ADGRL3: variants seen among roughly 807,000 people sequenced by gnomAD.
ADGRL3 encodes the protein calcium-independent alpha-latrotoxin receptor 3.
ADGRL3 carries 62 observed loss-of-function variants against 153.5 expected under a neutral mutation model. That is an observed-to-expected ratio of 0.40 (90% CI 0.33 to 0.50). ADGRL3 has a LOEUF of 0.50. ADGRL3 is among the 20% of genes least tolerant of loss of function. The pLI, the probability that ADGRL3 is intolerant of heterozygous loss-of-function variation, is 0.47. For synonymous variants in ADGRL3, 710 were observed against 672.5 expected (o/e 1.06, Z -0.86); for missense variants, 1,641 against 1,859.4 (o/e 0.88, Z 2.16).
chr4:61,421,002 G>T (rs2097199751), intron 2 of ADGRL3, among the ~76,000 whole-genome samples: 1 of 151,968 alleles, frequency 6.6e-6, no homozygotes, highest in South Asian at 2.1e-4. Flanking sequence ...ATACTTGTCT[G>T]TATTTTCTAT....
chr4:61,228,013 T>C (rs2149127090), intron 1 of ADGRL3, among the ~76,000 whole-genome samples: 1 of 152,262 alleles, frequency 6.6e-6, no homozygotes, highest in East Asian at 1.9e-4. Context: ...TACATAACTG[T>C]AGTCCACTTA....
At chr4:61,395,925 C>A (rs1367852122) in intron 2 of ADGRL3, among the ~76,000 whole-genome samples, 1 of 151,826 alleles carries the variant, frequency 6.6e-6, no homozygotes, top group African/African-American at 2.4e-5. Flanking sequence ...CTGTTGAGAG[C>A]GCATTGTGCT....
At position 61,200,758 on chromosome 4, in the gene ADGRL3, G is replaced by T. The variant is rs1483867766; in HGVS notation, c.-1247G>T. Among the ~76,000 whole-genome samples the T allele has an allele frequency of 6.6e-6, 1 of 152,114 alleles. No homozygotes were observed. The highest frequency in any genetic ancestry group is 1.5e-5 in the Non-Finnish European group (1 of 68,010). On this transcript the variant is annotated 5_prime_UTR_variant, in exon 1 of 27. Transcript: ENST00000683033. ...GAGCGCCAGTGCCTCGCTCGCTCTT[G>T]GGGAGTCGAAGAAGAGAAAGAACCG... is the stretch of plus-strand genomic sequence containing the variant.
intron 1 of ADGRL3, among the ~76,000 whole-genome samples, chr4:61,343,207 A>G (rs779704528): frequency 1.4e-4 from 22 of 152,292 alleles, no homozygotes; most frequent in Middle Eastern, 6.8e-3. Context: ...AAACCATATT[A>G]ATCCTAAATC....
intron 3 of ADGRL3, among the ~76,000 whole-genome samples, chr4:61,508,758 G>A (rs904139764): frequency 6.6e-6 from 1 of 151,932 alleles, no homozygotes; most frequent in Non-Finnish European, 1.5e-5. Flanking sequence ...AGTGTTTATC[G>A]TTCTCATCTT....
chr4:61,855,858 A>G (rs1426167288), intron 9 of ADGRL3, among the ~76,000 whole-genome samples: 2 of 152,080 alleles, frequency 1.3e-5, no homozygotes, highest in Admixed American at 1.3e-4. Flanking sequence ...AGGATGTTAC[A>G]GTAGAAGGCA....
At chr4:61,807,103 A>G (rs1712356248) in intron 8 of ADGRL3, among the ~76,000 whole-genome samples, 1 of 152,216 alleles carries the variant, frequency 6.6e-6, no homozygotes, top group African/African-American at 2.4e-5. Flanking sequence ...ATTGAAATCA[A>G]TAATTTTATA....
chr4:62,057,381 C>G (rs1387729912), intron 25 of ADGRL3, among the ~76,000 whole-genome samples: 1 of 152,054 alleles, frequency 6.6e-6, no homozygotes, highest in African/African-American at 2.4e-5. Flanking sequence ...GGGTGTGACT[C>G]ATTATTTCAT....
At chr4:61,366,606 C>T (rs571569563) in intron 1 of ADGRL3, among the ~76,000 whole-genome samples, 12 of 152,160 alleles carry the variant, frequency 7.9e-5, no homozygotes, top group Non-Finnish European at 1.5e-4. Context: ...TTGCATTTGA[C>T]TGTCTTTGAC....
rs763505931 is a variant in ADGRL3, at chr4:61,520,682, G to GTGTGTC, written c.259+3167_259+3168insGTCTGT. Reference sequence around the variant, plus strand: ...TGTGTGTGTGTGTGTGTGTGTGTGTGTGTCTGTCTGTCTGTCTGTCTGAGG... The same window carrying GTGTGTC: ...TGTGTGTGTGTGTGTGTGTGTGTGTGTGTGTCTGTCTGTCTGTCTGTCTGTCTGAGG... On this transcript the variant is annotated intron_variant, in intron 4 of 26. Coordinates refer to ENST00000683033, the MANE Select transcript of ADGRL3 (RefSeq NM_001387552.1). 8.5e-3 allele frequency among the ~76,000 whole-genome samples: 1,053 copies of GTGTGTC among 123,562 alleles called. 11 individuals are homozygous for GTGTGTC. Among genetic ancestry groups the GTGTGTC allele is most frequent in the Non-Finnish European group, 0.013 (734 of 56,692 alleles). The allele number at this position is 123,562 out of a possible 152,430, so 81.1% of individuals were successfully genotyped here.
chr4:62,000,719 G>T (rs2099137317), intron 21 of ADGRL3, among the ~76,000 whole-genome samples: 1 of 151,924 alleles, frequency 6.6e-6, no homozygotes. Context: ...AAATGAAGAA[G>T]ATAAATTGGG....
intron 2 of ADGRL3, among the ~76,000 whole-genome samples, chr4:61,444,813 G>A (rs1480336582): frequency 1.3e-5 from 2 of 152,148 alleles, no homozygotes; most frequent in Non-Finnish European, 2.9e-5. Context: ...AGCACTTTGG[G>A]AGGCAGAGGT....
chr4:61,874,706 G>C (rs2098463627), intron 9 of ADGRL3, among the ~76,000 whole-genome samples: 1 of 150,252 alleles, frequency 6.7e-6, no homozygotes, highest in African/African-American at 2.4e-5. Flanking sequence ...ACTAAGAGAA[G>C]GGGAGACCAC....
rs181550703 is a variant in ADGRL3, at chr4:61,434,198, G to T, written c.-174+51009G>T. On this transcript the variant is annotated intron_variant, in intron 2 of 26. Coordinates refer to ENST00000683033, the MANE Select transcript of ADGRL3 (RefSeq NM_001387552.1). Reference sequence around the variant, plus strand: ...ATTATTTGTGGAGTGATGGATTGATGGGGGCTTCCTTAAAGAGTCTCTTCT... The same window carrying T: ...ATTATTTGTGGAGTGATGGATTGATTGGGGCTTCCTTAAAGAGTCTCTTCT... Among the ~76,000 whole-genome samples, 17 of 152,142 alleles carry T rather than the reference G, an allele frequency of 1.1e-4. No individual in the cohort carries two copies. In the South Asian group the frequency reaches 1.9e-3, roughly 17 times the overall value.
At chr4:61,203,320 C>T (rs940315932) in intron 1 of ADGRL3, among the ~76,000 whole-genome samples, 1 of 152,182 alleles carries the variant, frequency 6.6e-6, no homozygotes, top group African/African-American at 2.4e-5. Context: ...TGCGTGTGAT[C>T]CCTGCCTGCG....
intron 1 of ADGRL3, among the ~76,000 whole-genome samples, chr4:61,303,367 G>A (rs2094648029): frequency 6.6e-6 from 1 of 152,068 alleles, no homozygotes; most frequent in Non-Finnish European, 1.5e-5. Context: ...CTTAGTGCAT[G>A]CGAAGTGCTT....
chr4:62,026,702 G>C (rs567820548), intron 21 of ADGRL3, among the ~76,000 whole-genome samples: 1 of 151,968 alleles, frequency 6.6e-6, no homozygotes, highest in African/African-American at 2.4e-5. Context: ...AGCAGATATG[G>C]AGGATGAACA....
At chr4:61,452,236 A>T (rs116270947) in intron 2 of ADGRL3, among the ~76,000 whole-genome samples, 1,555 of 152,142 alleles carry the variant, frequency 0.01, 26 homozygotes, top group African/African-American at 0.035. Context: ...TCATTCCGGG[A>T]CTGCTCTGGA....
At chr4:61,563,935 G>A (rs572138875) in intron 4 of ADGRL3, among the ~76,000 whole-genome samples, 119 of 152,182 alleles carry the variant, frequency 7.8e-4, no homozygotes, top group African/African-American at 2.6e-3. Flanking sequence ...TTGAACTGGG[G>A]GAGGCGCAGA....
Sources: allele counts gnomAD v4.1 joint callset (sites outside exome capture counted in the v4.1 genomes callset), GRCh38; gene constraint gnomAD v4.1.1; transcripts MANE v1.5; gene names NCBI Gene and HGNC (gene_info 2026-07-23, HGNC 2026-07-21).